The following AKAP13 variants were observed in gnomAD, a reference collection of about 807,000 sequenced individuals.
The protein encoded by AKAP13 is A-kinase anchor protein 13.
AKAP13 carries 80 observed loss-of-function variants against 264.5 expected under a neutral mutation model. The ratio of observed to expected loss-of-function variants is 0.30; its 90% CI spans 0.25 to 0.36. The LOEUF (loss-of-function observed/expected upper bound fraction) is 0.36. AKAP13 is among the 10% of genes least tolerant of loss of function. The pLI, the probability that AKAP13 is intolerant of heterozygous loss-of-function variation, is 1.00. For synonymous variants in AKAP13, 1,380 were observed against 1,250.2 expected (o/e 1.10, Z -2.19); for missense variants, 3,712 against 3,435.2 (o/e 1.08, Z -2.01).
Position 85,745,257 on chromosome 15 carries a change from C to T in AKAP13, c.*580C>T, listed in dbSNP as rs2089335202. The T allele has an allele frequency of 6.6e-6, 1 of 152,332 alleles. No individual in the cohort carries two copies. Among genetic ancestry groups the T allele is most frequent in the Non-Finnish European group, 1.5e-5 (1 of 68,134 alleles). 9.4% of individuals were successfully genotyped at this position (152,332 alleles called of 1,614,324 possible). On this transcript the variant is annotated 3_prime_UTR_variant, in exon 37 of 37. Coordinates refer to ENST00000394518, the MANE Select transcript of AKAP13 (RefSeq NM_007200.5). ...CAGTACTCCTCAGAGACTGGTTTCC[C>T]TCTAAACCCATCCCGGGCACATACC... is the stretch of plus-strand genomic sequence containing the variant.
chr15:85,433,711 C>T lies in AKAP13; in HGVS notation c.-11-51999C>T, dbSNP rs2073128193. Among the ~76,000 whole-genome samples the T allele has an allele frequency of 3.3e-5, 5 of 152,058 alleles. No individual in the cohort carries two copies. In the South Asian group the frequency reaches 8.3e-4, roughly 25 times the overall value. ...GTGGCTCACGCTTGTAATCCCAGCACTTTGGGAGGCTGAAGTGGGTGGATC... is the reference window on the plus strand; with the variant it reads ...GTGGCTCACGCTTGTAATCCCAGCATTTTGGGAGGCTGAAGTGGGTGGATC... On this transcript the variant is annotated intron_variant, in intron 1 of 36. Transcript: ENST00000394518.
intron 12 of AKAP13, chr15:85,662,429 T>G: frequency 6.2e-7 from 1 of 1,614,196 alleles, no homozygotes; most frequent in Non-Finnish European, 8.5e-7. Flanking sequence ...TCTGCTGGCC[T>G]GAGTGCTGAC....
chr15:85,570,509 T>C (rs962076972), intron 5 of AKAP13, among the ~76,000 whole-genome samples: 1 of 152,052 alleles, frequency 6.6e-6, no homozygotes, highest in African/African-American at 2.4e-5. Flanking sequence ...AATGTTGAAA[T>C]GGCTGGAAAG....
chr15:85,439,980 TAATA>T (rs2073560862), intron 1 of AKAP13, among the ~76,000 whole-genome samples: 1 of 150,420 alleles, frequency 6.6e-6, no homozygotes, highest in Non-Finnish European at 1.5e-5. Flanking sequence ...TAAAAAATAA[TAATA>T]ATAATAATAA....
chr15:85,505,972 T>C (rs2076208816), intron 2 of AKAP13, among the ~76,000 whole-genome samples: 1 of 152,136 alleles, frequency 6.6e-6, no homozygotes, highest in African/African-American at 2.4e-5. Flanking sequence ...TCTCATCCAG[T>C]CATCTTAAGT....
At chr15:85,392,544 G>A (rs1027278995) in intron 1 of AKAP13, among the ~76,000 whole-genome samples, 7 of 152,118 alleles carry the variant, frequency 4.6e-5, no homozygotes, top group Non-Finnish European at 8.8e-5. Context: ...AATCTTAATC[G>A]TAAATGGGAA....
intron 1 of AKAP13, among the ~76,000 whole-genome samples, chr15:85,458,590 C>G (rs2074382579): frequency 6.6e-6 from 1 of 151,806 alleles, no homozygotes; most frequent in African/African-American, 2.4e-5. Flanking sequence ...CTTGTAGACA[C>G]AGTTATTTGT....
intron 1 of AKAP13, among the ~76,000 whole-genome samples, chr15:85,414,635 AGTTG>A (rs1406814864): frequency 2.0e-5 from 3 of 152,208 alleles, no homozygotes; most frequent in Non-Finnish European, 4.4e-5. Flanking sequence ...AAGATAAGGA[AGTTG>A]GTAGACTACA....
At chr15:85,644,315 A>G (rs967084863) in intron 9 of AKAP13, among the ~76,000 whole-genome samples, 5 of 149,106 alleles carry the variant, frequency 3.4e-5, no homozygotes, top group Admixed American at 6.8e-5. Flanking sequence ...CACTGGGCTC[A>G]CTGCAGTCTC....
chr15:85,454,590 C>T (rs1420953032), intron 1 of AKAP13, among the ~76,000 whole-genome samples: 1 of 152,116 alleles, frequency 6.6e-6, no homozygotes, highest in Non-Finnish European at 1.5e-5. Context: ...GTGAGAGTCA[C>T]ACACACTAGC....
chr15:85,644,151 A>T (rs940782764), intron 9 of AKAP13, among the ~76,000 whole-genome samples: 2 of 152,114 alleles, frequency 1.3e-5, no homozygotes, highest in African/African-American at 4.8e-5. Context: ...GTCACCTACA[A>T]ATTTGATAAA....
chr15:85,644,763 G>A (rs1050917618), intron 9 of AKAP13, among the ~76,000 whole-genome samples: 1 of 151,770 alleles, frequency 6.6e-6, no homozygotes, highest in African/African-American at 2.4e-5. Context: ...CTACTCAAGA[G>A]GCTGAAGCAG....
chr15:85,744,361 G>T, intron 36 of AKAP13: 1 of 443,990 alleles, frequency 2.3e-6, no homozygotes, highest in Non-Finnish European at 4.1e-6. Flanking sequence ...TTTCTGTGTG[G>T]GAGGTTAAAG....
At position 85,498,908 on chromosome 15, in the gene AKAP13, T is replaced by C. The variant is rs552627895; in HGVS notation, c.33+13155T>C. On this transcript the variant is annotated intron_variant, in intron 2 of 36. Transcript: ENST00000394518. ...CAAAAAGTCACTTTAAAATAAGCCC[T>C]TCACATGATTCTGATGCACTCCAAA... 5.3e-5 allele frequency among the ~76,000 whole-genome samples: 8 copies of C among 152,288 alleles called. No individual in the cohort carries two copies. In the South Asian group the frequency reaches 1.7e-3, roughly 32 times the overall value.
intron 1 of AKAP13, among the ~76,000 whole-genome samples, chr15:85,403,584 T>C (rs1011257137): frequency 2.6e-5 from 4 of 152,186 alleles, no homozygotes; most frequent in Admixed American, 6.5e-5. Flanking sequence ...CTCATGCCTG[T>C]AATCCCAGCC....
chr15:85,747,528 C>T lies in AKAP13; in HGVS notation c.*2851C>T, dbSNP rs1013352817. The T allele has an allele frequency of 1.3e-5, 2 of 152,608 alleles. No individual in the cohort carries two copies. The highest frequency in any genetic ancestry group is 6.5e-5 in the Admixed American group (1 of 15,274). The allele number at this position is 152,608 out of a possible 1,614,324, so 9.5% of individuals were successfully genotyped here. ...GAAAGATGGAGTTCCTATCCAGAGC[C>T]CCCAGATTTCCAGAATCGAGTGAGC... On this transcript the variant is annotated 3_prime_UTR_variant, in exon 37 of 37. Transcript: ENST00000394518.
At chr15:85,594,166 G>A (rs1296534373) in intron 8 of AKAP13, among the ~76,000 whole-genome samples, 3 of 152,134 alleles carry the variant, frequency 2.0e-5, no homozygotes, top group Non-Finnish European at 4.4e-5. Flanking sequence ...GTTATATCAG[G>A]CCACAGTGGT....
At chr15:85,622,479 A>AG (rs1275529392) in intron 8 of AKAP13, among the ~76,000 whole-genome samples, 2 of 152,170 alleles carry the variant, frequency 1.3e-5, no homozygotes, top group Non-Finnish European at 2.9e-5. Context: ...CCGGAGCCAG[A>AG]GGTGGGACCT....
At chr15:85,628,041 A>G (rs898294754) in intron 8 of AKAP13, among the ~76,000 whole-genome samples, 3 of 152,306 alleles carry the variant, frequency 2.0e-5, no homozygotes, top group East Asian at 1.9e-4. Context: ...GATTTTAGCT[A>G]TTTGTGTACC....
Sources: allele counts gnomAD v4.1 joint callset (sites outside exome capture counted in the v4.1 genomes callset), GRCh38; gene constraint gnomAD v4.1.1; transcripts MANE v1.5; gene names NCBI Gene and HGNC (gene_info 2026-07-23, HGNC 2026-07-21).